The following SPAG16 variants were observed in gnomAD, a reference collection of about 807,000 sequenced individuals.
SPAG16 encodes sperm-associated antigen 16 protein.
Under a neutral mutation model 80.4 loss-of-function variants are expected in SPAG16, and 86 were observed. That is an observed-to-expected ratio of 1.07 (90% confidence interval 0.90 to 1.28). The LOEUF is 1.28. SPAG16 is among the 50% of genes most tolerant of loss of function. The pLI is 0.00. For missense variants in SPAG16, 870 were observed against 765.3 expected, an observed-to-expected ratio of 1.14 and a Z score of -1.61; for synonymous variants, 294 against 265.9, an observed-to-expected ratio of 1.11 and a Z score of -1.03.
chr2:213,850,241 G>A (rs1050544760), intron 10 of SPAG16, among the ~76,000 whole-genome samples: 2 of 152,204 alleles, frequency 1.3e-5, no homozygotes, highest in African/African-American at 4.8e-5. Flanking sequence ...ATGACATTGT[G>A]TGGATTGTCG....
chr2:213,491,572 A>G (rs1254475595), intron 10 of SPAG16, among the ~76,000 whole-genome samples: 1 of 152,200 alleles, frequency 6.6e-6, no homozygotes. Flanking sequence ...GGAGTGGCCA[A>G]TGCTGGTCTA....
At chr2:213,421,049 G>A (rs777934057) in intron 9 of SPAG16, among the ~76,000 whole-genome samples, 7 of 152,174 alleles carry the variant, frequency 4.6e-5, no homozygotes, top group South Asian at 2.1e-4. Context: ...TGAAACAGGC[G>A]GGAGCCTTGC....
chr2:213,554,667 T>C (rs184251029), intron 10 of SPAG16, among the ~76,000 whole-genome samples: 2 of 151,308 alleles, frequency 1.3e-5, no homozygotes, highest in African/African-American at 2.4e-5. Context: ...GAAATCAAAA[T>C]TATAAAAAAT....
rs59813410 is a variant in SPAG16, at chr2:213,588,808, C to CAAAAAAAAAAAAAA, written c.1070+98740_1070+98753dup. On this transcript the variant is annotated intron_variant, in intron 10 of 15. Coordinates refer to ENST00000331683, the MANE Select transcript of SPAG16 (RefSeq NM_024532.5). ...TGGGCGACAGAGCGAGACTCCGTCTCAAAAAAAAAAAAAAAAAAAAAAAAA... is the reference window on the plus strand; with the variant it reads ...TGGGCGACAGAGCGAGACTCCGTCTCAAAAAAAAAAAAAAAAAAAAAAAAAAAAAAAAAAAAAAA... Among the ~76,000 whole-genome samples, 5 of 28,958 alleles carry CAAAAAAAAAAAAAA rather than the reference C, an allele frequency of 1.7e-4. 1 individual carries two copies. Among genetic ancestry groups the CAAAAAAAAAAAAAA allele is most frequent in the East Asian group, 3.7e-3 (2 of 538 alleles). 19.0% of individuals were successfully genotyped at this position (28,958 alleles called of 152,430 possible). A position where few individuals can be genotyped will look rare whatever the true frequency, so the allele number is the denominator to read the frequency against.
At chr2:214,124,797 C>G (rs2054396856) in intron 14 of SPAG16, among the ~76,000 whole-genome samples, 1 of 151,782 alleles carries the variant, frequency 6.6e-6, no homozygotes, top group Non-Finnish European at 1.5e-5. Flanking sequence ...CCAAGTGGCT[C>G]TGCAGGGAAA....
intron 15 of SPAG16, among the ~76,000 whole-genome samples, chr2:214,245,635 G>A (rs1262152386): frequency 1.3e-5 from 2 of 152,078 alleles, no homozygotes; most frequent in Non-Finnish European, 2.9e-5. Context: ...ACAGACTTTT[G>A]TTTTATAAAA....
chr2:213,284,667 T>C (rs931907244), intron 1 of SPAG16, 48 bp downstream of exon 1: 2 of 1,570,260 alleles, frequency 1.3e-6, no homozygotes, highest in Non-Finnish European at 1.7e-6. Flanking sequence ...GGGTAATGGG[T>C]GTTGGGACGA....
chr2:213,495,873 C>T (rs1319507089), intron 10 of SPAG16, among the ~76,000 whole-genome samples: 12 of 152,008 alleles, frequency 7.9e-5, no homozygotes, highest in East Asian at 1.9e-4. Context: ...GCAAGGGGTC[C>T]GGCATGGACA....
chr2:213,804,803 C>T (rs1248207708), intron 10 of SPAG16, among the ~76,000 whole-genome samples: 2 of 152,092 alleles, frequency 1.3e-5, no homozygotes, highest in Non-Finnish European at 2.9e-5. Context: ...CAAGAGAAGA[C>T]GGATGTGCCT....
chr2:213,643,767 CTTTTTTTTTTTTTTTTTTT>C (rs71063764), intron 10 of SPAG16, among the ~76,000 whole-genome samples: 1 of 52,004 alleles, frequency 1.9e-5, no homozygotes, highest in Admixed American at 2.3e-4. Flanking sequence ...CTCACTACTT[CTTTTTTTTTTTTTTTTTTT>C]TTTTTTTTTT....
intron 10 of SPAG16, among the ~76,000 whole-genome samples, chr2:213,830,872 T>C (rs1340053071): frequency 6.6e-6 from 1 of 152,068 alleles, no homozygotes; most frequent in Admixed American, 6.6e-5. Flanking sequence ...TTTCGGGACA[T>C]TTGTATTATA....
chr2:213,793,826 A>T (rs2070853897), intron 10 of SPAG16, among the ~76,000 whole-genome samples: 2 of 152,178 alleles, frequency 1.3e-5, no homozygotes, highest in South Asian at 4.1e-4. Flanking sequence ...ATAACGTCTT[A>T]ATACCTCCAA....
intron 3 of SPAG16, among the ~76,000 whole-genome samples, chr2:213,297,814 G>T (rs1290682582): frequency 3.9e-5 from 6 of 152,000 alleles, no homozygotes; most frequent in Admixed American, 3.3e-4. Flanking sequence ...GATGTTTTTT[G>T]ATTATAATAC....
chr2:214,176,494 A>C (rs2057084735), intron 15 of SPAG16, among the ~76,000 whole-genome samples: 1 of 151,280 alleles, frequency 6.6e-6, no homozygotes, highest in South Asian at 2.1e-4. Context: ...GCGGTCTTTC[A>C]AAGATTTATT....
chr2:213,426,923 C>G (rs924799018), intron 9 of SPAG16, among the ~76,000 whole-genome samples: 4 of 150,886 alleles, frequency 2.7e-5, no homozygotes, highest in African/African-American at 9.7e-5. Flanking sequence ...ATATTTTGCT[C>G]CATGAATAAA....
chr2:213,724,154 T>C (rs1211992144), intron 10 of SPAG16, among the ~76,000 whole-genome samples: 1 of 152,158 alleles, frequency 6.6e-6, no homozygotes, highest in Admixed American at 6.5e-5. Flanking sequence ...GGAAATAGTA[T>C]AAGGAAAATA....
intron 13 of SPAG16, among the ~76,000 whole-genome samples, chr2:214,081,851 T>C (rs1006432495): frequency 6.0e-5 from 9 of 148,900 alleles, no homozygotes; most frequent in Non-Finnish European, 1.2e-4. Context: ...TTTTTTTTCA[T>C]CCTTAGGAGG....
chr2:213,529,408 G>A (rs1270728313), intron 10 of SPAG16, among the ~76,000 whole-genome samples: 2 of 152,130 alleles, frequency 1.3e-5, no homozygotes, highest in Non-Finnish European at 2.9e-5. Flanking sequence ...GTCACTGATG[G>A]TGACTTTAGG....
intron 9 of SPAG16, among the ~76,000 whole-genome samples, chr2:213,428,130 T>C (rs1435704014): frequency 6.6e-6 from 1 of 152,130 alleles, no homozygotes; most frequent in Non-Finnish European, 1.5e-5. Flanking sequence ...CACACAGGAA[T>C]TCAACATAAA....
Sources: allele counts gnomAD v4.1 joint callset (sites outside exome capture counted in the v4.1 genomes callset), GRCh38; gene constraint gnomAD v4.1.1; transcripts MANE v1.5; gene names NCBI Gene and HGNC (gene_info 2026-07-23, HGNC 2026-07-21).